Variants in GRM8 observed in about 807,000 individuals in gnomAD.
The protein encoded by GRM8 is glutamate metabotropic receptor 8.
A neutral mutation model predicts 87.2 loss-of-function variants in GRM8; 47 were observed. That is an observed-to-expected ratio of 0.54 (90% CI 0.43 to 0.69). GRM8 has a LOEUF of 0.69. GRM8 is among the 30% of genes least tolerant of loss of function. GRM8 has a pLI of 0.00. For synonymous variants in GRM8, 396 were observed against 404.5 expected (o/e 0.98, Z 0.25); for missense variants, 1,019 against 1,139.2 (o/e 0.89, Z 1.52).
At chr7:126,593,267 T>C (rs1271078954) in intron 8 of GRM8, among the ~76,000 whole-genome samples, 2 of 151,994 alleles carry the variant, frequency 1.3e-5, no homozygotes, top group African/African-American at 4.8e-5. Flanking sequence ...ATTTTAAAAT[T>C]TGTATGAAAC....
At position 127,124,229 on chromosome 7, in the gene GRM8, C is replaced by T. The variant is rs1587082991; in HGVS notation, c.511-17517G>A. Among the ~76,000 whole-genome samples the T allele has an allele frequency of 3.3e-5, 5 of 152,288 alleles. No homozygotes were observed. The South Asian group carries it at 8.3e-4, about 25-fold the overall frequency. The stretch of plus-strand genomic sequence containing the variant: ...AGTACCCTCTCCATTGTCTTACCTC[C>T]CACTCACTTTTCAGCATTGAGACCG... On this transcript the variant is annotated intron_variant, in intron 2 of 10. Transcript: ENST00000339582.
chr7:126,909,755 C>T (rs1420808776), intron 3 of GRM8, among the ~76,000 whole-genome samples: 7 of 152,116 alleles, frequency 4.6e-5, no homozygotes, highest in East Asian at 1.9e-4. Context: ...TACTCAATGA[C>T]ACCATCTCTA....
chr7:126,749,017 T>C (rs1044068510), intron 7 of GRM8, among the ~76,000 whole-genome samples: 1 of 152,184 alleles, frequency 6.6e-6, no homozygotes, highest in African/African-American at 2.4e-5. Flanking sequence ...CTCACACCTG[T>C]AATCCCAGTA....
At chr7:126,802,212 C>T (rs1019946342) in intron 6 of GRM8, among the ~76,000 whole-genome samples, 2 of 152,096 alleles carry the variant, frequency 1.3e-5, no homozygotes, top group African/African-American at 4.8e-5. Flanking sequence ...GCTCTATTCT[C>T]TTGGCAATTT....
At chr7:126,892,660 G>A (rs888741885) in intron 6 of GRM8, among the ~76,000 whole-genome samples, 4 of 152,098 alleles carry the variant, frequency 2.6e-5, no homozygotes, top group African/African-American at 7.2e-5. Flanking sequence ...CCAGTAATGG[G>A]TTGGCTGGGT....
At chr7:126,620,410 T>C (rs1800002776) in intron 7 of GRM8, among the ~76,000 whole-genome samples, 1 of 152,240 alleles carries the variant, frequency 6.6e-6, no homozygotes, top group Non-Finnish European at 1.5e-5. Context: ...TTGAATATTT[T>C]CTGTTCAATA....
intron 2 of GRM8, among the ~76,000 whole-genome samples, chr7:127,170,677 A>C (rs1197869523): frequency 3.3e-5 from 5 of 152,236 alleles, no homozygotes. Flanking sequence ...TGAAGAAAAT[A>C]ATGGCATTTG....
intron 2 of GRM8, among the ~76,000 whole-genome samples, chr7:127,192,081 T>C (rs1331643766): frequency 4.6e-5 from 7 of 152,092 alleles, no homozygotes; most frequent in Admixed American, 4.6e-4. Flanking sequence ...GCTACTCCTA[T>C]TAATGTATTG....
intron 6 of GRM8, among the ~76,000 whole-genome samples, chr7:126,884,029 T>G (rs1420879390): frequency 6.6e-6 from 1 of 152,182 alleles, no homozygotes; most frequent in Non-Finnish European, 1.5e-5. Flanking sequence ...TATTCAGATC[T>G]ATCTGTCATA....
chr7:126,568,781 A>C (rs150862764), intron 8 of GRM8, among the ~76,000 whole-genome samples: 85 of 152,268 alleles, frequency 5.6e-4, no homozygotes, highest in Middle Eastern at 6.8e-3. Context: ...AATCAAAACA[A>C]AGGGTGCTGC....
chr7:126,931,500 T>G (rs1010108999), intron 3 of GRM8, among the ~76,000 whole-genome samples: 2 of 152,164 alleles, frequency 1.3e-5, no homozygotes, highest in Non-Finnish European at 2.9e-5. Flanking sequence ...CATTCACAGA[T>G]AACTAAAAAG....
intron 3 of GRM8, among the ~76,000 whole-genome samples, chr7:127,097,982 A>C (rs1189010383): frequency 6.6e-6 from 1 of 152,220 alleles, no homozygotes; most frequent in African/African-American, 2.4e-5. Flanking sequence ...GCTGGGGTGA[A>C]GAACAGCTTT....
chr7:126,438,686 A>C lies in GRM8; in HGVS notation c.*433T>G, dbSNP rs1801118291. 6.5e-6 allele frequency: 1 copy of C among 154,204 alleles called. No homozygotes were observed. Among genetic ancestry groups the C allele is most frequent in the African/African-American group, 2.4e-5 (1 of 41,522 alleles). 9.6% of individuals were successfully genotyped at this position (154,204 alleles called of 1,614,324 possible). Reference sequence around the variant, plus strand: ...CAATCATTGCATTTATTTTTAGCACAACCCAGGGCTTCAATCTGGTCAGCC... The same window carrying C: ...CAATCATTGCATTTATTTTTAGCACCACCCAGGGCTTCAATCTGGTCAGCC... On this transcript the variant is annotated 3_prime_UTR_variant, in exon 11 of 11. Transcript: ENST00000339582.
chr7:126,863,329 T>A (rs1185048955), intron 6 of GRM8, among the ~76,000 whole-genome samples: 1 of 152,162 alleles, frequency 6.6e-6, no homozygotes, highest in Non-Finnish European at 1.5e-5. Flanking sequence ...GCTTCTTCTT[T>A]TGCAGTCATC....
chr7:126,509,650 T>C (rs1811033635), intron 9 of GRM8, among the ~76,000 whole-genome samples: 1 of 152,042 alleles, frequency 6.6e-6, no homozygotes, highest in South Asian at 2.1e-4. Flanking sequence ...TTACACAGAT[T>C]TTTTAAAATG....
intron 8 of GRM8, among the ~76,000 whole-genome samples, chr7:126,567,603 A>G (rs933828834): frequency 2.4e-4 from 37 of 152,304 alleles, no homozygotes; most frequent in African/African-American, 8.9e-4. Flanking sequence ...TTTTAATTAT[A>G]ATACAACAGT....
chr7:127,115,008 G>T (rs12706762), intron 2 of GRM8, among the ~76,000 whole-genome samples: 37,294 of 152,044 alleles, frequency 0.25, 5,436 homozygotes, highest in Non-Finnish European at 0.34. Context: ...CTAAGAGAGA[G>T]AGCAGTTACA....
At chr7:126,960,073 A>T (rs1809148061) in intron 3 of GRM8, among the ~76,000 whole-genome samples, 1 of 152,142 alleles carries the variant, frequency 6.6e-6, no homozygotes, top group Non-Finnish European at 1.5e-5. Flanking sequence ...ATAGCACCTG[A>T]TGCTACACAT....
chr7:126,523,276 G>A (rs1005968829), intron 9 of GRM8, among the ~76,000 whole-genome samples: 4 of 152,034 alleles, frequency 2.6e-5, no homozygotes, highest in African/African-American at 7.2e-5. Flanking sequence ...TTCTGTATGC[G>A]ATGATTTATA....
Sources: gnomAD v4.1 joint callset for allele counts (sites outside exome capture counted in the v4.1 genomes callset) on GRCh38, gnomAD v4.1.1 for gene constraint, MANE v1.5 for transcripts, NCBI Gene and HGNC (gene_info 2026-07-23, HGNC 2026-07-21) for gene names.